The following IDE variants were observed in gnomAD, a reference collection of about 807,000 sequenced individuals.
The protein encoded by IDE is insulin-degrading enzyme.
A neutral mutation model predicts 133.2 loss-of-function variants in IDE; 58 were observed. The ratio of observed to expected loss-of-function variants is 0.44; its 90% CI spans 0.35 to 0.54. The LOEUF is 0.54. Among genes scored for constraint, IDE ranks in the 20% least tolerant of loss-of-function variants. IDE has a pLI of 0.00. For synonymous variants in IDE, 396 were observed against 421.3 expected, an observed-to-expected ratio of 0.94 and a Z score of 0.73; for missense variants, 981 against 1,234.0, an observed-to-expected ratio of 0.79 and a Z score of 3.07.
intron 14 of IDE, 59 bp from the exon 15 acceptor site, chr10:92,479,480 C>G: frequency 7.5e-7 from 1 of 1,329,862 alleles, no homozygotes; most frequent in East Asian, 2.4e-5. Context: ...TGTGATATGG[C>G]CTTTTGAGAT....
At chr10:92,472,579 A>G (rs1846021987) in intron 17 of IDE, among the ~76,000 whole-genome samples, 1 of 152,200 alleles carries the variant, frequency 6.6e-6, no homozygotes, top group Admixed American at 6.5e-5. Flanking sequence ...TGACATCAAA[A>G]GCATAGTGTT....
At chr10:92,473,966 A>G (rs1299590847) in intron 17 of IDE, among the ~76,000 whole-genome samples, 1 of 152,122 alleles carries the variant, frequency 6.6e-6, no homozygotes, top group African/African-American at 2.4e-5. Context: ...TGGGCAACAG[A>G]GCAGACTCCG....
chr10:92,468,974 A>G lies in IDE; in HGVS notation c.2225T>C (p.Met742Thr), dbSNP rs114285269. Residue 742 changes from methionine to threonine, a missense_variant, in exon 19 of 25, where the codon ATG becomes ACG. Physicochemically the swap from Met to Thr is moderately conservative, Grantham distance 81 (BLOSUM62 -1). Coordinates refer to ENST00000265986, the MANE Select transcript of IDE (RefSeq NM_004969.4). ...NITKQAALGI[M>T]QMVEDTLIEH... ...AATGAGGGTGTCTTCAACCATCTGC[A>G]TAATTCCTAATGCAGCCTATGGAAA... 5.8e-5 allele frequency: 92 copies of G among 1,595,424 alleles called. No homozygotes were observed. In the African/African-American group the frequency reaches 1.1e-3, roughly 20 times the overall value.
chr10:92,477,339 G>T (rs1846322625), intron 15 of IDE, among the ~76,000 whole-genome samples: 1 of 151,852 alleles, frequency 6.6e-6, no homozygotes, highest in Non-Finnish European at 1.5e-5. Flanking sequence ...TTTTTGTAGA[G>T]ACAGGGTCTT....
intron 4 of IDE, among the ~76,000 whole-genome samples, chr10:92,526,020 G>C (rs1218334735): frequency 6.6e-6 from 1 of 151,976 alleles, no homozygotes; most frequent in Non-Finnish European, 1.5e-5. Context: ...GCTGGGCGTT[G>C]TGGTGCAAGC....
intron 1 of IDE, among the ~76,000 whole-genome samples, chr10:92,557,675 A>G (rs895645768): frequency 6.6e-6 from 1 of 152,148 alleles, no homozygotes; most frequent in African/African-American, 2.4e-5. Flanking sequence ...AGATCACTTG[A>G]TGCCAGGAGT....
Position 92,463,867 on chromosome 10 carries a change from C to T in IDE, c.2625G>A (p.Glu875=), listed in dbSNP as rs200287247. ...TTTGGAAGGCCTCTTCTGTCATGTC[C>T]TCTATGGACTTTTCCATGGTAATTA... The part of the protein sequence containing the change: ...AFLITMEKSI[E]DMTEEAFQKH... Residue 875 remains glutamate, a synonymous_variant, in exon 21 of 25, where the codon GAG becomes GAA. Transcript: ENST00000265986. The T allele has an allele frequency of 3.1e-6, 5 of 1,614,162 alleles. No individual in the cohort carries two copies. The highest frequency in any genetic ancestry group is 2.2e-5 in the East Asian group (1 of 44,880).
chr10:92,488,835 T>A (rs1342081032), intron 12 of IDE, among the ~76,000 whole-genome samples: 2 of 149,980 alleles, frequency 1.3e-5, no homozygotes, highest in Non-Finnish European at 2.9e-5. Context: ...CAACCTGTAG[T>A]AGACTGGATC....
chr10:92,573,801 G>A (rs1045414332), intron 1 of IDE, 121 bp downstream of exon 1: 2 of 699,340 alleles, frequency 2.9e-6, no homozygotes, highest in South Asian at 2.4e-5. Context: ...CAGGCCGGCG[G>A]GACGGGCGGC....
At position 92,483,471 on chromosome 10, in the gene IDE, C is replaced by T. The variant is rs1307763399; in HGVS notation, c.1657-134G>A. 1.1e-5 allele frequency: 7 copies of T among 614,856 alleles called. No individual in the cohort carries two copies. The Admixed American group carries it at 1.4e-4, about 12-fold the overall frequency. The allele number at this position is 614,856 out of a possible 1,614,324, so 38.1% of individuals were successfully genotyped here. A position where few individuals can be genotyped will look rare whatever the true frequency, so the allele number is the denominator to read the frequency against. On this transcript the variant is annotated intron_variant, in intron 13 of 24. Coordinates refer to ENST00000265986, the MANE Select transcript of IDE (RefSeq NM_004969.4). The stretch of plus-strand genomic sequence containing the variant: ...GTTCTGGAGTTGCTGTCCCATGGGC[C>T]TTGAAGCATACTCAAGAGTCAGCAG...
intron 5 of IDE, among the ~76,000 whole-genome samples, chr10:92,511,102 CTTTT>C (rs749758838): frequency 1.5e-4 from 16 of 105,400 alleles, no homozygotes; most frequent in African/African-American, 5.2e-4. Flanking sequence ...AAAAAAAAAA[CTTTT>C]TTTTTTTTTT....
chr10:92,481,026 A>C (rs1846572707), intron 14 of IDE: 1 of 365,496 alleles, frequency 2.7e-6, no homozygotes, highest in Non-Finnish European at 3.8e-6. Context: ...AATCTGAATA[A>C]ATGTTCTGCC....
chr10:92,467,016 G>A (rs1453620575), intron 19 of IDE, among the ~76,000 whole-genome samples: 3 of 151,770 alleles, frequency 2.0e-5, no homozygotes, highest in Non-Finnish European at 2.9e-5. Flanking sequence ...GTAAGACTCC[G>A]TCTCAAAAAA....
chr10:92,528,692 GT>G (rs1849758171), intron 4 of IDE, among the ~76,000 whole-genome samples: 1 of 152,250 alleles, frequency 6.6e-6, no homozygotes. Context: ...ACATCTTACT[GT>G]AAAGTTTTCT....
intron 1 of IDE, among the ~76,000 whole-genome samples, chr10:92,557,669 C>A (rs569225128): frequency 2.0e-5 from 3 of 152,154 alleles, no homozygotes; most frequent in African/African-American, 7.2e-5. Flanking sequence ...GTAGGCAGAT[C>A]ACTTGATGCC....
intron 4 of IDE, among the ~76,000 whole-genome samples, chr10:92,521,151 A>G (rs1391974281): frequency 1.3e-5 from 2 of 152,194 alleles, no homozygotes; most frequent in African/African-American, 4.8e-5. Flanking sequence ...AGTTAATCAA[A>G]AGAGATGGAA....
At chr10:92,510,629 GTA>G (rs768554606) in intron 5 of IDE, among the ~76,000 whole-genome samples, 180 of 150,378 alleles carry the variant, frequency 1.2e-3, no homozygotes, top group Admixed American at 2.9e-3. Context: ...ATGTGTGTGT[GTA>G]TATATATATC....
Position 92,487,224 on chromosome 10 carries a change from T to C in IDE, c.1628A>G (p.Glu543Gly). ...AATAAGAGCAGGGTATGGTGTCGCC[T>C]CTTTTTCTAACGGTAAAATCTCAAA... ...TNFEILPLEK[E>G]ATPYPALIKD... The change falls in exon 13 of 25, where the codon GAG becomes GGG. Residue 543 changes from glutamate to glycine, a missense_variant. By Grantham distance (98) the Glu-to-Gly change is moderately conservative (BLOSUM62 -2). Transcript: ENST00000265986. 2 of 1,613,508 alleles carry C rather than the reference T, an allele frequency of 1.2e-6. No homozygotes were observed. Among genetic ancestry groups the C allele is most frequent in the East Asian group, 4.5e-5 (2 of 44,830 alleles).
At chr10:92,545,525 G>A (rs534136954) in intron 1 of IDE, among the ~76,000 whole-genome samples, 2 of 152,344 alleles carry the variant, frequency 1.3e-5, no homozygotes, top group South Asian at 2.1e-4. Context: ...CCAGAAAGGT[G>A]AGCAACCTCT....
Sources: gnomAD v4.1 joint callset for allele counts (sites outside exome capture counted in the v4.1 genomes callset) on GRCh38, gnomAD v4.1.1 for gene constraint, MANE v1.5 for transcripts, NCBI Gene and HGNC (gene_info 2026-07-23, HGNC 2026-07-21) for gene names.